Variants in COBLL1 observed in about 807,000 individuals in gnomAD.
COBLL1 encodes the protein cordon-bleu WH2 repeat protein like 1.
Under a neutral mutation model 94.8 loss-of-function variants are expected in COBLL1, and 50 were observed. That is an observed-to-expected ratio of 0.53 (90% CI 0.42 to 0.67). The LOEUF is 0.67. Among genes scored for constraint, COBLL1 ranks in the 30% least tolerant of loss-of-function variants. The probability of loss-of-function intolerance (pLI) is 0.00; values close to 1 mark genes in which losing one functional copy is unlikely to be tolerated. For synonymous variants in COBLL1, 448 were observed against 473.8 expected, an observed-to-expected ratio of 0.95 and a Z score of 0.71; for missense variants, 1,362 against 1,348.7, an observed-to-expected ratio of 1.01 and a Z score of -0.15.
In COBLL1 at chr2:164,816,706, GACTTATCA is replaced by G. The variant is rs1362420998; in HGVS notation, c.41+24442_41+24449del. Among the ~76,000 whole-genome samples, 5 of 152,238 alleles carry G rather than the reference GACTTATCA, an allele frequency of 3.3e-5. No individual in the cohort carries two copies. In the East Asian group the frequency reaches 9.6e-4, roughly 29 times the overall value. ...GGCTGTGTGGGACTAAGACAAGGGGGACTTATCAACATGCATGACCAATAGTCAAAAGA... is the reference window on the plus strand; with the variant it reads ...GGCTGTGTGGGACTAAGACAAGGGGGACATGCATGACCAATAGTCAAAAGA... On this transcript the variant is annotated intron_variant, in intron 2 of 13. Transcript: ENST00000652658.
At chr2:164,806,825 G>GA (rs1684181582) in intron 2 of COBLL1, among the ~76,000 whole-genome samples, 1 of 152,054 alleles carries the variant, frequency 6.6e-6, no homozygotes, top group South Asian at 2.1e-4. Flanking sequence ...CCAGCCTCCT[G>GA]AGTAGCAGGG....
intron 2 of COBLL1, among the ~76,000 whole-genome samples, chr2:164,769,789 A>ACC (rs146891141): frequency 2.0e-5 from 3 of 151,386 alleles, no homozygotes; most frequent in Admixed American, 6.6e-5. Flanking sequence ...TGCCACATAT[A>ACC]CCCCCCCCAG....
At chr2:164,771,154 A>G (rs1688182171) in intron 2 of COBLL1, among the ~76,000 whole-genome samples, 1 of 152,034 alleles carries the variant, frequency 6.6e-6, no homozygotes, top group Non-Finnish European at 1.5e-5. Flanking sequence ...TGTCACTGAG[A>G]GATCATTGTT....
chr2:164,728,536 G>T (rs1311365185), intron 4 of COBLL1, among the ~76,000 whole-genome samples: 2 of 151,684 alleles, frequency 1.3e-5, no homozygotes, highest in Non-Finnish European at 2.9e-5. Context: ...AATATACATA[G>T]TACAAAATTA....
intron 7 of COBLL1, among the ~76,000 whole-genome samples, chr2:164,709,546 C>A (rs78522343): frequency 2.0e-5 from 3 of 152,032 alleles, no homozygotes; most frequent in Non-Finnish European, 4.4e-5. Flanking sequence ...GGTGAAACCC[C>A]GTCTCTACTA....
chr2:164,756,279 T>C (rs1021632182), intron 2 of COBLL1, among the ~76,000 whole-genome samples: 5 of 152,148 alleles, frequency 3.3e-5, no homozygotes, highest in South Asian at 2.1e-4. Context: ...CTAAAAATAC[T>C]TGTGGTGAGG....
intron 2 of COBLL1, among the ~76,000 whole-genome samples, chr2:164,785,613 C>A (rs956375064): frequency 3.9e-5 from 6 of 152,038 alleles, no homozygotes; most frequent in Non-Finnish European, 8.8e-5. Context: ...GGAAGTTACA[C>A]GAAATATTTT....
At chr2:164,789,797 T>G (rs536988198) in intron 2 of COBLL1, among the ~76,000 whole-genome samples, 93 of 152,322 alleles carry the variant, frequency 6.1e-4, no homozygotes, top group African/African-American at 2.1e-3. Flanking sequence ...TAACGGACAT[T>G]TTGAAAATGA....
At chr2:164,784,606 C>G (rs2105282656) in intron 2 of COBLL1, among the ~76,000 whole-genome samples, 1 of 152,102 alleles carries the variant, frequency 6.6e-6, no homozygotes, top group East Asian at 1.9e-4. Flanking sequence ...AGAAGGCATC[C>G]TAATCTCTCC....
intron 2 of COBLL1, among the ~76,000 whole-genome samples, chr2:164,660,920 TTTATAG>T (rs1055927916): frequency 1.3e-5 from 2 of 152,194 alleles, no homozygotes; most frequent in African/African-American, 2.4e-5. Flanking sequence ...TTTCCTGGAT[TTTATAG>T]TTATAGAGAC....
intron 2 of COBLL1, among the ~76,000 whole-genome samples, chr2:164,802,172 A>G (rs1443918042): frequency 1.3e-5 from 2 of 152,254 alleles, no homozygotes; most frequent in Non-Finnish European, 1.5e-5. Context: ...TGCTAGTGAC[A>G]AAAGAAAAGT....
At chr2:164,769,851 A>C (rs16849734) in intron 2 of COBLL1, among the ~76,000 whole-genome samples, 1 of 152,118 alleles carries the variant, frequency 6.6e-6, no homozygotes, top group Non-Finnish European at 1.5e-5. Context: ...AAATAAGTAC[A>C]ATTCCTGTAT....
At chr2:164,711,543 G>A (rs182540966) in intron 7 of COBLL1, among the ~76,000 whole-genome samples, 2 of 152,234 alleles carry the variant, frequency 1.3e-5, no homozygotes, top group Non-Finnish European at 1.5e-5. Flanking sequence ...GTCAACTCAG[G>A]TCTCTTCAAC....
downstream of COBLL1, among the ~76,000 whole-genome samples, chr2:164,675,581 A>AT (rs1233705749): frequency 5.9e-5 from 9 of 152,174 alleles, no homozygotes; most frequent in Non-Finnish European, 1.3e-4. Flanking sequence ...AAACAAAATG[A>AT]TTTTTTAGGA....
intron 2 of COBLL1, among the ~76,000 whole-genome samples, chr2:164,798,534 A>T (rs1683590684): frequency 6.6e-6 from 1 of 152,238 alleles, no homozygotes; most frequent in Admixed American, 6.5e-5. Context: ...CATAAATAAG[A>T]GCTGAGTATT....
intron 9 of COBLL1, 49 bp from the exon 10 acceptor site, chr2:164,700,805 T>C (rs1180667906): frequency 1.8e-6 from 2 of 1,135,206 alleles, no homozygotes; most frequent in African/African-American, 1.5e-5. Context: ...GCCTCATTCA[T>C]CACATGCAAT....
intron 11 of COBLL1, chr2:164,697,366 C>T (rs1334360123): frequency 6.6e-6 from 1 of 152,116 alleles, no homozygotes; most frequent in East Asian, 1.9e-4. Flanking sequence ...AAATTAAAGA[C>T]CCATGTTCTT....
At chr2:164,753,833 T>C (rs1325362009) in intron 2 of COBLL1, among the ~76,000 whole-genome samples, 2 of 151,428 alleles carry the variant, frequency 1.3e-5, no homozygotes, top group East Asian at 3.9e-4. Context: ...CCTCAGCCTC[T>C]TGGGTTCAAG....
At chr2:164,833,147 C>T (rs751095935) in intron 2 of COBLL1, among the ~76,000 whole-genome samples, 20 of 152,028 alleles carry the variant, frequency 1.3e-4, no homozygotes, top group Non-Finnish European at 2.2e-4. Context: ...GCGAGAGGAT[C>T]TCTTGAGGCC....
Sources: allele counts gnomAD v4.1 joint callset (sites outside exome capture counted in the v4.1 genomes callset), GRCh38; gene constraint gnomAD v4.1.1; transcripts MANE v1.5; gene names NCBI Gene and HGNC (gene_info 2026-07-23, HGNC 2026-07-21).